TBC1D32: variants seen among roughly 807,000 people sequenced by gnomAD.
TBC1D32 encodes the protein TBC1 domain family member 32.
In TBC1D32, 151 loss-of-function variants were observed where a neutral mutation model predicts 170.3. The ratio of observed to expected loss-of-function variants is 0.89; its 90% CI spans 0.78 to 1.01. The LOEUF is 1.01. TBC1D32 is among the 50% of genes least tolerant of loss of function. The pLI, the probability that TBC1D32 is intolerant of heterozygous loss-of-function variation, is 0.00. For missense variants in TBC1D32, 1,464 were observed against 1,457.1 expected, an observed-to-expected ratio of 1.00 and a Z score of -0.08; for synonymous variants, 498 against 488.0, an observed-to-expected ratio of 1.02 and a Z score of -0.27.
At chr6:121,106,919 A>G (rs1778747165) in intron 29 of TBC1D32, among the ~76,000 whole-genome samples, 1 of 151,952 alleles carries the variant, frequency 6.6e-6, no homozygotes, top group Non-Finnish European at 1.5e-5. Context: ...ATGATCAATA[A>G]TGTACTGTGT....
At chr6:121,269,524 CATAATGGTAAAGGG>C (rs1801048224) in intron 15 of TBC1D32, among the ~76,000 whole-genome samples, 1 of 152,132 alleles carries the variant, frequency 6.6e-6, no homozygotes, top group African/African-American at 2.4e-5. Flanking sequence ...AAGGACATTA[CATAATGGTAAAGGG>C]ATCAATTCAA....
intron 30 of TBC1D32, among the ~76,000 whole-genome samples, chr6:121,093,764 TA>T (rs1345697902): frequency 6.6e-6 from 1 of 152,170 alleles, no homozygotes; most frequent in Admixed American, 6.5e-5. Context: ...ATTAAATGGA[TA>T]TAATACCTAT....
At chr6:121,213,091 T>A (rs763591979) in intron 21 of TBC1D32, among the ~76,000 whole-genome samples, 26 of 152,096 alleles carry the variant, frequency 1.7e-4, no homozygotes, top group Admixed American at 8.5e-4. Flanking sequence ...ACAGCCAACA[T>A]CATACCATTC....
At chr6:121,192,372 T>C (rs1001814507) in intron 22 of TBC1D32, 2 of 152,126 alleles carry the variant, frequency 1.3e-5, no homozygotes, top group African/African-American at 4.8e-5. Flanking sequence ...CTCTACATAA[T>C]ACCTTTGACC....
At position 121,225,052 on chromosome 6, in the gene TBC1D32, T is replaced by C. The variant is rs558173719; in HGVS notation, c.2365-1700A>G. Reference sequence around the variant, plus strand: ...TGTAAAGAGAACACTACATGAGAAGTATGCACTATAGAAAAGGAAGAAAAA... The same window carrying C: ...TGTAAAGAGAACACTACATGAGAAGCATGCACTATAGAAAAGGAAGAAAAA... On this transcript the variant is annotated intron_variant, in intron 20 of 31. Coordinates refer to ENST00000398212, the MANE Select transcript of TBC1D32 (RefSeq NM_152730.6). Among the ~76,000 whole-genome samples the C allele has an allele frequency of 1.3e-5, 2 of 152,054 alleles. 1 individual carries two copies. The highest frequency in any genetic ancestry group is 4.8e-5 in the African/African-American group (2 of 41,516).
chr6:121,236,984 CCT>C (rs1298001842), intron 20 of TBC1D32: 1 of 151,902 alleles, frequency 6.6e-6, no homozygotes, highest in East Asian at 1.9e-4. Context: ...TTTGCAATTC[CCT>C]GTTTCCATCC....
intron 24 of TBC1D32, among the ~76,000 whole-genome samples, chr6:121,137,188 TTAAATA>T (rs1013711904): frequency 1.3e-5 from 2 of 152,110 alleles, no homozygotes; most frequent in African/African-American, 4.8e-5. Flanking sequence ...TTCTAGGTGA[TTAAATA>T]TAATAATCCC....
intron 17 of TBC1D32, among the ~76,000 whole-genome samples, chr6:121,243,150 A>T (rs1420027577): frequency 6.6e-6 from 1 of 152,078 alleles, no homozygotes; most frequent in Non-Finnish European, 1.5e-5. Flanking sequence ...AAAGAAGCAA[A>T]GAAAATATAA....
At chr6:121,149,814 G>A (rs1360915062) in intron 24 of TBC1D32, among the ~76,000 whole-genome samples, 1 of 152,162 alleles carries the variant, frequency 6.6e-6, no homozygotes, top group East Asian at 1.9e-4. Flanking sequence ...GTAGCCTGAT[G>A]GGAATAGCAT....
intron 1 of TBC1D32, among the ~76,000 whole-genome samples, chr6:121,330,748 T>C (rs930732878): frequency 6.6e-6 from 1 of 152,158 alleles, no homozygotes; most frequent in South Asian, 2.1e-4. Flanking sequence ...AGCATCAGTA[T>C]TTTTCTAAAT....
chr6:121,313,274 A>ATTTTTTTTTT (rs1164149264), intron 3 of TBC1D32, among the ~76,000 whole-genome samples: 1 of 125,532 alleles, frequency 8.0e-6, no homozygotes, highest in African/African-American at 3.1e-5. Flanking sequence ...CCTGGCCTTA[A>ATTTTTTTTTT]TTTTTTTTTT....
At chr6:121,299,890 C>T (rs1806205970) in intron 9 of TBC1D32, among the ~76,000 whole-genome samples, 1 of 152,100 alleles carries the variant, frequency 6.6e-6, no homozygotes, top group African/African-American at 2.4e-5. Flanking sequence ...GGATACTGTA[C>T]GGTCTACATG....
chr6:121,083,580 G>T (rs1775870939), intron 31 of TBC1D32, among the ~76,000 whole-genome samples: 2 of 149,772 alleles, frequency 1.3e-5, no homozygotes, highest in Non-Finnish European at 2.9e-5. Flanking sequence ...TTTCAAATAT[G>T]CATTCATCTG....
intron 21 of TBC1D32, among the ~76,000 whole-genome samples, chr6:121,221,980 G>A (rs1276482951): frequency 1.3e-5 from 2 of 152,170 alleles, no homozygotes; most frequent in African/African-American, 2.4e-5. Context: ...TTTCACGAAA[G>A]GTGTCAAGTG....
At chr6:121,317,441 C>A in intron 3 of TBC1D32, 54 bp downstream of exon 3, 1 of 1,314,236 alleles carries the variant, frequency 7.6e-7, no homozygotes, top group Non-Finnish European at 1.0e-6. Context: ...TTTATTGAAG[C>A]TAATTATTAT....
intron 11 of TBC1D32, among the ~76,000 whole-genome samples, chr6:121,293,416 G>A (rs985731719): frequency 6.6e-6 from 1 of 152,042 alleles, no homozygotes; most frequent in Non-Finnish European, 1.5e-5. Flanking sequence ...CATCTCCCTT[G>A]CTTTGAGTTA....
intron 30 of TBC1D32, among the ~76,000 whole-genome samples, chr6:121,093,682 T>G (rs1777077478): frequency 6.6e-6 from 1 of 152,190 alleles, no homozygotes; most frequent in Admixed American, 6.6e-5. Context: ...ATACATAGTT[T>G]CTAATGCAGT....
At chr6:121,250,891 G>T (rs1798199611) in intron 17 of TBC1D32, among the ~76,000 whole-genome samples, 1 of 152,106 alleles carries the variant, frequency 6.6e-6, no homozygotes, top group Non-Finnish European at 1.5e-5. Context: ...AAAGTCTCAG[G>T]ATACAAAATC....
Position 121,080,604 on chromosome 6 carries a change from A to G in TBC1D32, c.*167T>C. The G allele has an allele frequency of 2.5e-6, 2 of 809,952 alleles. No individual in the cohort carries two copies. The highest frequency in any genetic ancestry group is 3.6e-6 in the Non-Finnish European group (2 of 556,654). The allele number at this position is 809,952 out of a possible 1,614,324, so 50.2% of individuals were successfully genotyped here. ...CAAAACAACAAATTTACAAAAATGA[A>G]TTCACAAATTGAGCTCATACCTACT... is the stretch of plus-strand genomic sequence containing the variant. On this transcript the variant is annotated 3_prime_UTR_variant, in exon 32 of 32. Coordinates refer to ENST00000398212, the MANE Select transcript of TBC1D32 (RefSeq NM_152730.6).
Sources: allele counts gnomAD v4.1 joint callset (sites outside exome capture counted in the v4.1 genomes callset), GRCh38; gene constraint gnomAD v4.1.1; transcripts MANE v1.5; gene names NCBI Gene and HGNC (gene_info 2026-07-23, HGNC 2026-07-21).